Variants in HMGB1 observed in about 807,000 individuals in gnomAD.
The protein encoded by HMGB1 is high mobility group box 1.
For synonymous variants in HMGB1, 81 were observed against 84.0 expected (o/e 0.96, Z 0.19); for missense variants, 79 against 253.5 (o/e 0.31, Z 4.67).
At chr13:30,524,501 G>C (rs994638700) in intron 1 of HMGB1, among the ~76,000 whole-genome samples, 5 of 151,892 alleles carry the variant, frequency 3.3e-5, no homozygotes, top group African/African-American at 1.2e-4. Context: ...AAGGCGGCAG[G>C]AGAGGGAATG....
intron 1 of HMGB1, among the ~76,000 whole-genome samples, chr13:30,609,710 TATCCAACATGTAGTCTTTTAACCCCC>T (rs1593344979): frequency 6.6e-6 from 1 of 152,216 alleles, no homozygotes; most frequent in East Asian, 1.9e-4. Context: ...GTGTACACTG[TATCCAACATGTAGTCTTTTAACCCCC>T]ATCCAACCTT....
chr13:30,578,948 T>C (rs1870783142), intron 1 of HMGB1, among the ~76,000 whole-genome samples: 1 of 152,240 alleles, frequency 6.6e-6, no homozygotes, highest in South Asian at 2.1e-4. Context: ...AGATATCCAC[T>C]GGGGCAATCA....
At chr13:30,491,918 C>T (rs1408340481) in intron 1 of HMGB1, among the ~76,000 whole-genome samples, 2 of 152,142 alleles carry the variant, frequency 1.3e-5, no homozygotes, top group Admixed American at 1.3e-4. Context: ...CCTGTAATCC[C>T]AGCACTTTGG....
At chr13:30,466,514 T>C (rs1327539638), upstream of HMGB1, among the ~76,000 whole-genome samples, 1 of 152,210 alleles carries the variant, frequency 6.6e-6, no homozygotes, top group Non-Finnish European at 1.5e-5. Context: ...GCAGGGCTTC[T>C]ATAAGAAAGT....
At chr13:30,464,064 T>C (rs1886540458) in intron 1 of HMGB1, 1 of 975,824 alleles carries the variant, frequency 1.0e-6, no homozygotes, top group African/African-American at 1.8e-5. Context: ...TCAGAAAACA[T>C]GCTGCCAATT....
chr13:30,531,647 C>T (rs1176996515), intron 1 of HMGB1, among the ~76,000 whole-genome samples: 3 of 151,896 alleles, frequency 2.0e-5, no homozygotes, highest in Admixed American at 6.6e-5. Flanking sequence ...CGCCTGTAAT[C>T]CCAGCACTTT....
chr13:30,539,759 G>A (rs1868775983), intron 1 of HMGB1: 1 of 156,924 alleles, frequency 6.4e-6, no homozygotes, highest in African/African-American at 2.4e-5. Flanking sequence ...AGTGGTGGAG[G>A]ATCACTTAGG....
At chr13:30,508,233 C>G (rs1335053640) in intron 1 of HMGB1, among the ~76,000 whole-genome samples, 1 of 152,086 alleles carries the variant, frequency 6.6e-6, no homozygotes, top group Non-Finnish European at 1.5e-5. Flanking sequence ...AATGACATGC[C>G]AGGCGGAGTG....
intron 1 of HMGB1, among the ~76,000 whole-genome samples, chr13:30,614,978 G>A (rs1163617349): frequency 1.3e-5 from 2 of 151,626 alleles, no homozygotes; most frequent in East Asian, 3.9e-4. Context: ...CCAAAGTGCT[G>A]GGATTACAGG....
chr13:30,485,037 T>TTC (rs1555233963), intron 1 of HMGB1, among the ~76,000 whole-genome samples: 1 of 148,600 alleles, frequency 6.7e-6, no homozygotes. Flanking sequence ...TCTTTTTCTT[T>TTC]TTTTTTTTTT....
At chr13:30,509,353 C>T (rs1887940911) in intron 1 of HMGB1, among the ~76,000 whole-genome samples, 1 of 151,826 alleles carries the variant, frequency 6.6e-6, no homozygotes, top group South Asian at 2.1e-4. Context: ...ATTATCGTGT[C>T]TCAGCCTCCT....
intron 1 of HMGB1, among the ~76,000 whole-genome samples, chr13:30,577,103 G>A (rs568454368): frequency 2.0e-5 from 3 of 152,232 alleles, no homozygotes; most frequent in Admixed American, 2.0e-4. Flanking sequence ...AGTATTTTGG[G>A]AGGCTGAGGT....
intron 1 of HMGB1, among the ~76,000 whole-genome samples, chr13:30,502,375 T>TA (rs1177912069): frequency 2.0e-5 from 3 of 152,072 alleles, no homozygotes; most frequent in African/African-American, 4.8e-5. Flanking sequence ...AGTGCACAGA[T>TA]AAAAAAAATC....
intron 1 of HMGB1, among the ~76,000 whole-genome samples, chr13:30,521,665 C>A (rs1452777682): frequency 6.6e-6 from 1 of 152,182 alleles, no homozygotes; most frequent in Admixed American, 6.5e-5. Context: ...ATGAATAATG[C>A]TGCTATAAGC....
At chr13:30,496,831 C>T (rs957641605) in intron 1 of HMGB1, among the ~76,000 whole-genome samples, 4 of 152,106 alleles carry the variant, frequency 2.6e-5, no homozygotes, top group African/African-American at 9.7e-5. Context: ...TGGCTATTTA[C>T]TCTTCCACAC....
chr13:30,604,294 C>G (rs1950432536), intron 1 of HMGB1, among the ~76,000 whole-genome samples: 1 of 152,122 alleles, frequency 6.6e-6, no homozygotes, highest in Admixed American at 6.5e-5. Flanking sequence ...TGATCTGATA[C>G]ACTGGTTGCT....
intron 1 of HMGB1, among the ~76,000 whole-genome samples, chr13:30,601,316 T>C (rs1436058867): frequency 1.3e-5 from 2 of 152,212 alleles, no homozygotes; most frequent in African/African-American, 4.8e-5. Flanking sequence ...TAAATAGCCA[T>C]GTTGCTCACA....
At chr13:30,482,854 C>T (rs963380974) in intron 1 of HMGB1, among the ~76,000 whole-genome samples, 2 of 151,806 alleles carry the variant, frequency 1.3e-5, no homozygotes, top group African/African-American at 4.8e-5. Context: ...GTGGTGTGAT[C>T]ATAGCTCACT....
intron 1 of HMGB1, among the ~76,000 whole-genome samples, chr13:30,518,536 T>G (rs1208063965): frequency 6.6e-6 from 1 of 152,170 alleles, no homozygotes; most frequent in Non-Finnish European, 1.5e-5. Flanking sequence ...GAAAGTTATT[T>G]AATATTCCTT....
Sources: gnomAD v4.1 joint callset for allele counts (sites outside exome capture counted in the v4.1 genomes callset) on GRCh38, gnomAD v4.1.1 for gene constraint, MANE v1.5 for transcripts, NCBI Gene and HGNC (gene_info 2026-07-23, HGNC 2026-07-21) for gene names.